PDE7A: variants seen among roughly 807,000 people sequenced by gnomAD.
PDE7A encodes phosphodiesterase 7A, also known as high affinity 3',5'-cyclic-AMP phosphodiesterase 7A.
In PDE7A, 39 loss-of-function variants were observed where a neutral mutation model predicts 64.3. That is an observed-to-expected ratio of 0.61 (90% CI 0.47 to 0.79). The LOEUF is 0.79. Ranked by LOEUF, PDE7A falls within the 30% of genes least tolerant of loss-of-function variation. The pLI is 0.00. For synonymous variants in PDE7A, 203 were observed against 206.8 expected, an observed-to-expected ratio of 0.98 and a Z score of 0.16; for missense variants, 470 against 582.8, an observed-to-expected ratio of 0.81 and a Z score of 1.99.
At position 65,777,072 on chromosome 8, in the gene PDE7A, A is replaced by C. The variant is rs991408741; in HGVS notation, c.283+2648T>G. ...GAAAGAACAAATACTCAATTTTATC[A>C]AATGCTTTTTTTTTTTTTTTTTTTT... On this transcript the variant is annotated intron_variant, in intron 3 of 12. Transcript: ENST00000401827. Among the ~76,000 whole-genome samples, 3 of 146,978 alleles carry C rather than the reference A, an allele frequency of 2.0e-5. No homozygotes were observed. The East Asian group carries it at 5.8e-4, about 28-fold the overall frequency.
intron 5 of PDE7A, among the ~76,000 whole-genome samples, chr8:65,740,403 C>T (rs1807362133): frequency 6.6e-6 from 1 of 151,952 alleles, no homozygotes; most frequent in African/African-American, 2.4e-5. Context: ...CTCAAGTTTC[C>T]TTTTCTTTCT....
intron 1 of PDE7A, among the ~76,000 whole-genome samples, chr8:65,825,006 T>A (rs1810635226): frequency 6.6e-6 from 1 of 152,296 alleles, no homozygotes; most frequent in South Asian, 2.1e-4. Context: ...GAAATATAAA[T>A]TGGCATCATC....
intron 3 of PDE7A, among the ~76,000 whole-genome samples, chr8:65,764,560 A>G (rs927854626): frequency 2.0e-5 from 3 of 152,242 alleles, no homozygotes; most frequent in Admixed American, 1.3e-4. Context: ...AATGCTGAGC[A>G]AACTATTTGT....
chr8:65,779,144 A>G (rs1209626340), intron 3 of PDE7A, among the ~76,000 whole-genome samples: 1 of 152,216 alleles, frequency 6.6e-6, no homozygotes, highest in Non-Finnish European at 1.5e-5. Flanking sequence ...TAGAGCATCA[A>G]TCCAAATTAC....
intron 5 of PDE7A, among the ~76,000 whole-genome samples, chr8:65,743,467 G>GGGT (rs1036809363): frequency 2.6e-5 from 4 of 152,166 alleles, no homozygotes; most frequent in African/African-American, 9.7e-5. Flanking sequence ...GGAGGCAGGA[G>GGGT]GGTGGCTCTG....
At chr8:65,833,901 A>G (rs1460826586) in intron 1 of PDE7A, among the ~76,000 whole-genome samples, 1 of 152,174 alleles carries the variant, frequency 6.6e-6, no homozygotes, top group African/African-American at 2.4e-5. Flanking sequence ...CAATGAGCCG[A>G]GATACTGCCA....
At chr8:65,790,692 T>C (rs2128925919) in intron 1 of PDE7A, among the ~76,000 whole-genome samples, 2 of 152,350 alleles carry the variant, frequency 1.3e-5, no homozygotes, top group Middle Eastern at 3.4e-3. Flanking sequence ...CCATAAAATT[T>C]TCACTTCTTG....
At chr8:65,729,153 A>C (rs201565596) in intron 7 of PDE7A, among the ~76,000 whole-genome samples, 1 of 151,444 alleles carries the variant, frequency 6.6e-6, no homozygotes, top group Non-Finnish European at 1.5e-5. Flanking sequence ...AAGAAATGTC[A>C]AAAAAGAAAC....
intron 3 of PDE7A, among the ~76,000 whole-genome samples, chr8:65,749,218 C>A (rs1807822003): frequency 6.6e-6 from 1 of 152,172 alleles, no homozygotes; most frequent in Non-Finnish European, 1.5e-5. Context: ...ACTTTCAGAA[C>A]AGGCATGAAC....
chr8:65,812,864 T>A (rs899819979), intron 1 of PDE7A, among the ~76,000 whole-genome samples: 1 of 152,190 alleles, frequency 6.6e-6, no homozygotes, highest in Non-Finnish European at 1.5e-5. Flanking sequence ...AACACCTCAC[T>A]GCCAGTAAGG....
At chr8:65,769,954 G>A (rs1043939934) in intron 3 of PDE7A, among the ~76,000 whole-genome samples, 2 of 151,822 alleles carry the variant, frequency 1.3e-5, no homozygotes, top group Non-Finnish European at 2.9e-5. Flanking sequence ...GTATAAACCC[G>A]TGATTTTTAA....
Position 65,719,275 on chromosome 8 carries a change from C to T in PDE7A, c.*15G>A. 1 of 1,592,860 alleles carries T rather than the reference C, an allele frequency of 6.3e-7. No individual in the cohort carries two copies. The highest frequency in any genetic ancestry group is 8.6e-7 in the Non-Finnish European group (1 of 1,160,652). On this transcript the variant is annotated 3_prime_UTR_variant, in exon 13 of 13. Transcript: ENST00000401827. ...AAAACCTCCAGGAGGCAGTTTGTCCCACTGGTTCTGGGGGTTATGATAACC... is the reference window on the plus strand; with the variant it reads ...AAAACCTCCAGGAGGCAGTTTGTCCTACTGGTTCTGGGGGTTATGATAACC...
In PDE7A at chr8:65,740,142, T is replaced by G. The variant is rs183626570; in HGVS notation, c.500-545A>C. On this transcript the variant is annotated intron_variant, in intron 5 of 12. Transcript: ENST00000401827. ...AACTCAGCCACTTGCTTTTCCAGAG[T>G]AGCTGCAGAAAATCTGAGAGTTGCT... Among the ~76,000 whole-genome samples the G allele has an allele frequency of 1.7e-3, 210 of 123,942 alleles. 2 individuals are homozygous for G. Among genetic ancestry groups the G allele is most frequent in the African/African-American group, 6.1e-3 (196 of 32,244 alleles). 81.3% of individuals were successfully genotyped at this position (123,942 alleles called of 152,430 possible). A position where few individuals can be genotyped will look rare whatever the true frequency, so the allele number is the denominator to read the frequency against.
intron 3 of PDE7A, among the ~76,000 whole-genome samples, chr8:65,771,884 C>CAAAAAAA (rs36101490): frequency 1.6e-4 from 9 of 55,756 alleles, no homozygotes; most frequent in Admixed American, 2.4e-4. Flanking sequence ...CTCCATCTCT[C>CAAAAAAA]AAAAAAAAAA....
intron 7 of PDE7A, chr8:65,727,799 C>T (rs911103093): frequency 3.3e-5 from 5 of 152,388 alleles, no homozygotes; most frequent in African/African-American, 1.2e-4. Flanking sequence ...ACTGAGTAAT[C>T]ATGTTAAGTG....
chr8:65,763,794 T>C (rs915463322), intron 3 of PDE7A, among the ~76,000 whole-genome samples: 1 of 152,140 alleles, frequency 6.6e-6, no homozygotes, highest in Non-Finnish European at 1.5e-5. Flanking sequence ...AAACTTAACA[T>C]ACAAAATAAA....
chr8:65,780,888 C>T (rs1015391448), intron 2 of PDE7A: 1 of 152,254 alleles, frequency 6.6e-6, no homozygotes, highest in Non-Finnish European at 1.5e-5. Context: ...AGGCTCACTT[C>T]ATCGACTATA....
At chr8:65,791,757 C>T (rs982815840) in intron 1 of PDE7A, among the ~76,000 whole-genome samples, 9 of 152,166 alleles carry the variant, frequency 5.9e-5, no homozygotes, top group African/African-American at 1.9e-4. Context: ...TGCCTGAAGT[C>T]GTAAAGCTTT....
intron 1 of PDE7A, among the ~76,000 whole-genome samples, chr8:65,814,158 T>C (rs1810323042): frequency 6.6e-6 from 1 of 152,142 alleles, no homozygotes; most frequent in Admixed American, 6.5e-5. Context: ...TATACTGATA[T>C]AAAGATGTGC....
Sources: allele counts gnomAD v4.1 joint callset (sites outside exome capture counted in the v4.1 genomes callset), GRCh38; gene constraint gnomAD v4.1.1; transcripts MANE v1.5; gene names NCBI Gene and HGNC (gene_info 2026-07-23, HGNC 2026-07-21).